Variants in CDH12 observed in about 807,000 individuals in gnomAD.
CDH12 encodes the protein cadherin 12, also known as cadherin-12.
Under a neutral mutation model 74.1 loss-of-function variants are expected in CDH12, and 41 were observed. The observed-to-expected ratio is 0.55, with a 90% CI of 0.43 to 0.72. The LOEUF (loss-of-function observed/expected upper bound fraction) is 0.72, where lower values mean the gene tolerates loss of function less well. Ranked by LOEUF, CDH12 falls within the 30% of genes least tolerant of loss-of-function variation. The probability of loss-of-function intolerance (pLI) is 0.00; values close to 1 mark genes in which losing one functional copy is unlikely to be tolerated. For missense variants in CDH12, 945 were observed against 977.2 expected, an observed-to-expected ratio of 0.97 and a Z score of 0.44; for synonymous variants, 399 against 355.0, an observed-to-expected ratio of 1.12 and a Z score of -1.39.
At chr5:22,827,240 A>G (rs1406106454) in intron 1 of CDH12, among the ~76,000 whole-genome samples, 7 of 152,176 alleles carry the variant, frequency 4.6e-5, no homozygotes, top group African/African-American at 1.7e-4. Flanking sequence ...TGTGGTGTTG[A>G]GCCTGCGAGT....
chr5:22,165,063 A>T lies in CDH12; in HGVS notation c.-187+47435T>A, dbSNP rs1187163036. ...AACATTTTCATCTCACCGCATAACA[A>T]TGTCTCTGCTTTCACTTTGGCCCCG... is the stretch of plus-strand genomic sequence containing the variant. On this transcript the variant is annotated intron_variant, in intron 4 of 14. Coordinates refer to ENST00000382254, the MANE Select transcript of CDH12 (RefSeq NM_004061.5). Among the ~76,000 whole-genome samples the T allele has an allele frequency of 2.7e-5, 4 of 150,388 alleles. No homozygotes were observed. In the South Asian group the frequency reaches 6.4e-4, roughly 24 times the overall value.
intron 4 of CDH12, among the ~76,000 whole-genome samples, chr5:22,093,068 G>T (rs901039350): frequency 6.6e-6 from 1 of 152,150 alleles, no homozygotes; most frequent in East Asian, 1.9e-4. Context: ...GAGGACAGGG[G>T]GTTCAGAGAG....
chr5:22,758,073 G>C (rs185708667), intron 1 of CDH12, among the ~76,000 whole-genome samples: 125 of 152,276 alleles, frequency 8.2e-4, no homozygotes, highest in African/African-American at 3.0e-3. Flanking sequence ...GCACTATGGC[G>C]AGATAATTAA....
intron 1 of CDH12, among the ~76,000 whole-genome samples, chr5:22,678,044 T>TGGC (rs35237837): frequency 0.43 from 57,252 of 134,122 alleles, 12,613 homozygotes; most frequent in Non-Finnish European, 0.48. Context: ...ACCATCCTCA[T>TGGC]GGGGGGGGGG....
chr5:22,619,300 C>G (rs1318473419), intron 1 of CDH12, among the ~76,000 whole-genome samples: 1 of 152,020 alleles, frequency 6.6e-6, no homozygotes, highest in East Asian at 1.9e-4. Flanking sequence ...GAGGCACAAT[C>G]CTGTGAGAAC....
At chr5:22,428,591 C>T (rs1145543) in intron 2 of CDH12, among the ~76,000 whole-genome samples, 114,224 of 152,062 alleles carry the variant, frequency 0.75, 43,201 homozygotes, top group Admixed American at 0.86. Flanking sequence ...TATAAATACA[C>T]GACAGATAGA....
intron 1 of CDH12, among the ~76,000 whole-genome samples, chr5:22,822,364 A>G (rs1749749089): frequency 6.6e-6 from 1 of 152,138 alleles, no homozygotes; most frequent in Non-Finnish European, 1.5e-5. Context: ...ATGGCAACAA[A>G]AGCCAAAATT....
chr5:22,476,632 T>A (rs2126615194), intron 2 of CDH12, among the ~76,000 whole-genome samples: 1 of 152,260 alleles, frequency 6.6e-6, no homozygotes, highest in South Asian at 2.1e-4. Context: ...TATTACCTCA[T>A]CTTACATGTA....
intron 3 of CDH12, among the ~76,000 whole-genome samples, chr5:22,242,958 C>T (rs1046657413): frequency 1.3e-5 from 2 of 151,988 alleles, no homozygotes; most frequent in South Asian, 2.1e-4. Flanking sequence ...TCCCCATCCC[C>T]GCTTTTTTTT....
intron 3 of CDH12, among the ~76,000 whole-genome samples, chr5:22,300,703 C>G (rs867807748): frequency 2.6e-5 from 4 of 152,278 alleles, no homozygotes; most frequent in Middle Eastern, 3.4e-3. Context: ...CATTAGGAAA[C>G]TGATTTTTGG....
At chr5:21,929,042 A>G (rs558421742) in intron 6 of CDH12, among the ~76,000 whole-genome samples, 1 of 152,110 alleles carries the variant, frequency 6.6e-6, no homozygotes, top group Non-Finnish European at 1.5e-5. Flanking sequence ...GAAGAGAGAA[A>G]AAGGAGATTT....
chr5:22,690,458 G>A (rs779305624), intron 1 of CDH12, among the ~76,000 whole-genome samples: 9 of 152,142 alleles, frequency 5.9e-5, no homozygotes, highest in Non-Finnish European at 1.3e-4. Context: ...GTAATGGTTA[G>A]CAAGTATTTC....
At chr5:22,417,096 A>G (rs898290234) in intron 2 of CDH12, among the ~76,000 whole-genome samples, 5 of 152,234 alleles carry the variant, frequency 3.3e-5, no homozygotes, top group African/African-American at 1.2e-4. Context: ...CCAATTAGAT[A>G]TTAAAACTGT....
chr5:22,235,524 T>C (rs1752531733), intron 3 of CDH12, among the ~76,000 whole-genome samples: 1 of 151,720 alleles, frequency 6.6e-6, no homozygotes, highest in Admixed American at 6.6e-5. Context: ...GAAGTTGTAG[T>C]GAGCTGAAAT....
chr5:22,329,796 C>T (rs1739271614), intron 3 of CDH12, among the ~76,000 whole-genome samples: 1 of 152,208 alleles, frequency 6.6e-6, no homozygotes, highest in African/African-American at 2.4e-5. Flanking sequence ...ATGGAGGGAG[C>T]ATTTTTGACC....
intron 1 of CDH12, among the ~76,000 whole-genome samples, chr5:22,781,610 G>A (rs1269659652): frequency 2.6e-5 from 4 of 152,086 alleles, no homozygotes. Flanking sequence ...GCAGTAATGG[G>A]CAGCTTTCCT....
intron 2 of CDH12, among the ~76,000 whole-genome samples, chr5:22,497,623 C>T (rs931427467): frequency 4.1e-4 from 61 of 147,128 alleles, no homozygotes; most frequent in African/African-American, 1.5e-3. Context: ...CAAGGCCCCA[C>T]TGCCTGTCGA....
chr5:22,568,522 C>A (rs1234975906), intron 1 of CDH12, among the ~76,000 whole-genome samples: 1 of 152,018 alleles, frequency 6.6e-6, no homozygotes, highest in Non-Finnish European at 1.5e-5. Flanking sequence ...CACATCTGCA[C>A]CCAAATTCAA....
chr5:22,187,608 T>G (rs1217013566), intron 4 of CDH12, among the ~76,000 whole-genome samples: 1 of 138,700 alleles, frequency 7.2e-6, no homozygotes, highest in Non-Finnish European at 1.6e-5. Context: ...TGCTGTCACA[T>G]AAGATATACT....
Sources: gnomAD v4.1 joint callset for allele counts (sites outside exome capture counted in the v4.1 genomes callset) on GRCh38, gnomAD v4.1.1 for gene constraint, MANE v1.5 for transcripts, NCBI Gene and HGNC (gene_info 2026-07-23, HGNC 2026-07-21) for gene names.